Variants in PAH observed in about 807,000 individuals in gnomAD.
The protein encoded by PAH is phenylalanine hydroxylase, also known as phenylalanine-4-hydroxylase.
A neutral mutation model predicts 62.0 loss-of-function variants in PAH; 64 were observed. The ratio of observed to expected loss-of-function variants is 1.03; its 90% CI spans 0.84 to 1.27. The LOEUF is 1.27. Among genes scored for constraint, PAH ranks in the 50% most tolerant of loss-of-function variants. PAH has a pLI of 0.00. For synonymous variants in PAH, 195 were observed against 196.2 expected (o/e 0.99, Z 0.05); for missense variants, 579 against 542.8 (o/e 1.07, Z -0.66).
rs538189851 is a variant in PAH at position 102,877,310 on chromosome 12, A to G, written c.441+152T>C. ...ATGATGATGACAATAAAGTCTTGCT[A>G]ATTTTTCCCAGCCCTCGTGTAAATA... On this transcript the variant is annotated intron_variant, in intron 4 of 12. Coordinates refer to ENST00000553106, the MANE Select transcript of PAH (RefSeq NM_000277.3). 114 of 720,376 alleles carry G rather than the reference A, an allele frequency of 1.6e-4. No homozygotes were observed. In the African/African-American group the frequency reaches 1.8e-3, roughly 11 times the overall value. 44.6% of individuals were successfully genotyped at this position (720,376 alleles called of 1,614,324 possible).
chr12:102,890,844 A>G (rs1173339912), intron 3 of PAH, among the ~76,000 whole-genome samples: 2 of 152,138 alleles, frequency 1.3e-5, no homozygotes, highest in Non-Finnish European at 2.9e-5. Flanking sequence ...GCACTTTGGG[A>G]GGCCGAGGTG....
At chr12:102,892,401 T>A (rs1478286270) in intron 3 of PAH, among the ~76,000 whole-genome samples, 1 of 152,214 alleles carries the variant, frequency 6.6e-6, no homozygotes, top group Non-Finnish European at 1.5e-5. Context: ...AATAATTTTT[T>A]AAAGAAGTTA....
chr12:102,866,787 C>T (rs1246108325), intron 4 of PAH, 124 bp from the exon 5 acceptor site: 3 of 811,702 alleles, frequency 3.7e-6, no homozygotes, highest in Non-Finnish European at 6.5e-6. Context: ...TGGTTATACC[C>T]TAAAACTAAA....
intron 1 of PAH, among the ~76,000 whole-genome samples, chr12:102,925,060 C>T (rs1878650577): frequency 6.6e-6 from 1 of 152,114 alleles, no homozygotes; most frequent in South Asian, 2.1e-4. Flanking sequence ...AATGGAAACT[C>T]AATATTAGTT....
chr12:102,839,903 G>C (rs1874510898), intron 12 of PAH, among the ~76,000 whole-genome samples: 2 of 152,230 alleles, frequency 1.3e-5, no homozygotes, highest in Non-Finnish European at 2.9e-5. Flanking sequence ...AAATTGATCA[G>C]TGTTGCTGGA....
chr12:102,846,375 G>A (rs1874843952), intron 9 of PAH, among the ~76,000 whole-genome samples: 1 of 152,128 alleles, frequency 6.6e-6, no homozygotes, highest in Non-Finnish European at 1.5e-5. Context: ...AATTAGAAAC[G>A]AGTATGAAGG....
chr12:102,907,635 G>A (rs1878028922), intron 2 of PAH, among the ~76,000 whole-genome samples: 1 of 151,424 alleles, frequency 6.6e-6, no homozygotes. Context: ...GGAGGGAGGG[G>A]GCGGACAGAG....
upstream of PAH, among the ~76,000 whole-genome samples, chr12:102,952,547 C>T (rs978080966): frequency 7.2e-5 from 11 of 152,036 alleles, no homozygotes; most frequent in Non-Finnish European, 8.8e-5. Flanking sequence ...TATAGATTAA[C>T]GACTTTCTTT....
At chr12:102,881,108 G>A (rs941740137) in intron 3 of PAH, among the ~76,000 whole-genome samples, 11 of 151,062 alleles carry the variant, frequency 7.3e-5, no homozygotes, top group South Asian at 2.1e-4. Flanking sequence ...ACGCCTCCCG[G>A]GTTCAAGCAA....
intron 3 of PAH, among the ~76,000 whole-genome samples, chr12:102,878,297 T>G (rs1291651968): frequency 6.6e-6 from 1 of 152,214 alleles, no homozygotes; most frequent in Non-Finnish European, 1.5e-5. Flanking sequence ...AAGCCGTTGT[T>G]GAAGCAGAGT....
chr12:102,863,035 C>G (rs565808357), intron 5 of PAH, among the ~76,000 whole-genome samples: 19 of 152,166 alleles, frequency 1.2e-4, no homozygotes, highest in South Asian at 4.1e-4. Flanking sequence ...ACTTTGGAAA[C>G]AGACAGAGAC....
At chr12:102,928,809 G>T (rs543677008) in intron 1 of PAH, among the ~76,000 whole-genome samples, 2 of 152,094 alleles carry the variant, frequency 1.3e-5, no homozygotes, top group African/African-American at 4.8e-5. Context: ...ACACTTGGGG[G>T]ACTAGACATG....
At chr12:102,888,120 G>T (rs1877117911) in intron 3 of PAH, among the ~76,000 whole-genome samples, 1 of 151,844 alleles carries the variant, frequency 6.6e-6, no homozygotes, top group Non-Finnish European at 1.5e-5. Context: ...GAGACTTAAG[G>T]GTAAGTTTAC....
chr12:102,864,247 A>G (rs1875850812), intron 5 of PAH, among the ~76,000 whole-genome samples: 1 of 152,174 alleles, frequency 6.6e-6, no homozygotes, highest in African/African-American at 2.4e-5. Context: ...TCTAAATGAA[A>G]ACCTGAGGAG....
At chr12:102,927,039 G>A (rs1189901123) in intron 1 of PAH, among the ~76,000 whole-genome samples, 1 of 147,960 alleles carries the variant, frequency 6.8e-6, no homozygotes, top group East Asian at 1.9e-4. Flanking sequence ...AATAGGACTG[G>A]ATTGAAGTCT....
chr12:102,892,461 A>G (rs1877316000), intron 3 of PAH, among the ~76,000 whole-genome samples: 1 of 152,266 alleles, frequency 6.6e-6, no homozygotes, highest in Admixed American at 6.5e-5. Flanking sequence ...TTGAAAACTT[A>G]TCTTCACACA....
At chr12:102,843,068 TTTA>T (rs1481417943) in intron 11 of PAH, among the ~76,000 whole-genome samples, 1 of 152,150 alleles carries the variant, frequency 6.6e-6, no homozygotes, top group Non-Finnish European at 1.5e-5. Context: ...TCACCAATTA[TTTA>T]TTGAGTGCTT....
Position 102,840,420 on chromosome 12 carries a change from A to G in PAH, c.1295T>C (p.Ile432Thr). Residue 432 changes from isoleucine to threonine, a missense_variant, in exon 12 of 13, where the codon ATT becomes ACT. Ile to Thr is a moderately conservative substitution (Grantham distance 89, BLOSUM62 -1). Transcript: ENST00000553106. ...CTTACTGTTAATGGAATCAGCCAAA[A>G]TCTTAAGCTGCTGGGTATTGTCCAA... ...EVLDNTQQLK[I>T]LADSINSEIG... The G allele has an allele frequency of 6.2e-7, 1 of 1,613,500 alleles. No homozygotes were observed. Among genetic ancestry groups the G allele is most frequent in the Non-Finnish European group, 8.5e-7 (1 of 1,179,450 alleles).
chr12:102,927,331 T>C (rs1253660111), intron 1 of PAH, among the ~76,000 whole-genome samples: 1 of 149,620 alleles, frequency 6.7e-6, no homozygotes, highest in East Asian at 2.0e-4. Flanking sequence ...GAGGTGGGCA[T>C]CCTTCCTTGG....
Sources: allele counts gnomAD v4.1 joint callset (sites outside exome capture counted in the v4.1 genomes callset), GRCh38; gene constraint gnomAD v4.1.1; transcripts MANE v1.5; gene names NCBI Gene and HGNC (gene_info 2026-07-23, HGNC 2026-07-21).